Variants in MUC5B observed in about 807,000 individuals in gnomAD.
MUC5B encodes mucin 5B, oligomeric mucus/gel-forming.
MUC5B carries 116 observed loss-of-function variants against 376.9 expected under a neutral mutation model. That is an observed-to-expected ratio of 0.31 (90% CI 0.26 to 0.36). The LOEUF is 0.36. Among genes scored for constraint, MUC5B ranks in the 10% least tolerant of loss-of-function variants. The pLI, the probability that MUC5B is intolerant of heterozygous loss-of-function variation, is 1.00. For synonymous variants in MUC5B, 3,517 were observed against 3,390.9 expected, an observed-to-expected ratio of 1.04 and a Z score of -1.29; for missense variants, 7,165 against 7,769.9, an observed-to-expected ratio of 0.92 and a Z score of 2.93.
rs201521453 is a variant in MUC5B, at chr11:1,250,808, C to G, written c.13928C>G (p.Pro4643Arg). Residue 4643 changes from proline (P) to arginine (R), a missense_variant, in exon 31 of 49, where the codon CCG becomes CGG. Pro to Arg is a moderately radical substitution (Grantham distance 103). This residue lies in a region of MUC5B where 730 missense variants were observed against 592.7 expected (regional missense o/e 1.23). Transcript: ENST00000529681. ...TCCACGGTGACCCCCTCCTCCATCCCGGGGACCACCCACACCGCCAGAGTG... is the reference window on the plus strand; with the variant it reads ...TCCACGGTGACCCCCTCCTCCATCCGGGGGACCACCCACACCGCCAGAGTG... ...SGSTVTPSSI[P>R]GTTHTARVLT... 2 of 1,613,322 alleles carry G rather than the reference C, an allele frequency of 1.2e-6. No homozygotes were observed. The highest frequency in any genetic ancestry group is 2.2e-5 in the East Asian group (1 of 44,896).
At position 1,227,572 on chromosome 11, in the gene MUC5B, G is replaced by C. The variant is rs1024730528; in HGVS notation, c.668-103G>C. Reference sequence around the variant, plus strand: ...TGCCCCTCGGGGGTGTTGGGCCCTAGGCAGGAGTGGGAGTCCTCTGGCCTG... The same window carrying C: ...TGCCCCTCGGGGGTGTTGGGCCCTACGCAGGAGTGGGAGTCCTCTGGCCTG... On this transcript the variant is annotated intron_variant, in intron 6 of 48. Coordinates refer to ENST00000529681, the MANE Select transcript of MUC5B (RefSeq NM_002458.3). The C allele has an allele frequency of 8.9e-6, 6 of 675,566 alleles. No individual in the cohort carries two copies. The African/African-American group carries it at 1.1e-4, about 12-fold the overall frequency. 41.8% of individuals were successfully genotyped at this position (675,566 alleles called of 1,614,324 possible). A position where few individuals can be genotyped will look rare whatever the true frequency, so the allele number is the denominator to read the frequency against.
chr11:1,225,118 C>G (rs1184620707), intron 1 of MUC5B, among the ~76,000 whole-genome samples: 4 of 152,232 alleles, frequency 2.6e-5, no homozygotes, highest in African/African-American at 7.2e-5. Flanking sequence ...TTGCGCGGCC[C>G]AGAGTCCTGC....
rs1862233288 is a variant in MUC5B, at chr11:1,239,629, G to A, written c.3583+63G>A. 5 of 1,518,754 alleles carry A rather than the reference G, an allele frequency of 3.3e-6. No homozygotes were observed. In the South Asian group the frequency reaches 5.1e-5, roughly 16 times the overall value. The allele number at this position is 1,518,754 out of a possible 1,614,324, so 94.1% of individuals were successfully genotyped here. ...TTGGGTTCCCGAGTGTACGTGGGGG[G>A]GCGGGGATCCCCAGGGACGCGGTGT... is the stretch of plus-strand genomic sequence containing the variant. On this transcript the variant is annotated intron_variant, in intron 27 of 48. Coordinates refer to ENST00000529681, the MANE Select transcript of MUC5B (RefSeq NM_002458.3).
Position 1,260,330 on chromosome 11 carries a change from CCT to C in MUC5B, c.16924-20_16924-19del. 1.9e-6 allele frequency: 3 copies of C among 1,612,006 alleles called. No individual in the cohort carries two copies. The highest frequency in any genetic ancestry group is 2.5e-6 in the Non-Finnish European group (3 of 1,179,416). On this transcript the variant is annotated intron_variant, in intron 46 of 48. Transcript: ENST00000529681. ...GGAGGCCCCGCCCACAGCCCTGCCC[CCT>C]GTCTTTGGCCCCCACCAGGGGAGCC... is the stretch of plus-strand genomic sequence containing the variant.
chr11:1,244,992 C>T lies in MUC5B; in HGVS notation c.8112C>T (p.Thr2704=), dbSNP rs989001336. 2.6e-6 allele frequency: 4 copies of T among 1,553,906 alleles called. No individual in the cohort carries two copies. The highest frequency in any genetic ancestry group is 3.5e-6 in the Non-Finnish European group (4 of 1,148,466). The change falls in exon 31 of 49, where the codon ACC becomes ACT. Residue 2704 remains threonine, a synonymous_variant. Coordinates refer to ENST00000529681, the MANE Select transcript of MUC5B (RefSeq NM_002458.3). ...ATTITATGST[T]NPSSTPGTTP... ...CGATCACGGCCACCGGCTCCACCAC[C>T]AACCCCTCCTCAACTCCAGGGACAA...
chr11:1,236,347 C>A, intron 23 of MUC5B, 39 bp from the exon 24 acceptor site: 3 of 1,576,134 alleles, frequency 1.9e-6, no homozygotes, highest in Non-Finnish European at 1.7e-6. Flanking sequence ...CCCTGGGGGC[C>A]ACAGGGTCGG....
chr11:1,242,847 C>T lies in MUC5B; in HGVS notation c.5967C>T (p.Gly1989=), dbSNP rs1862327327. The T allele has an allele frequency of 6.2e-7, 1 of 1,613,226 alleles. No individual in the cohort carries two copies. The highest frequency in any genetic ancestry group is 8.5e-7 in the Non-Finnish European group (1 of 1,179,624). Residue 1989 remains glycine, a synonymous_variant, in exon 31 of 49, where the codon GGC becomes GGT. Transcript: ENST00000529681. ...CACCCATCCCCTCTTCCTCCCTGGGCACCACCTGGACCCGCCTATCACAGA... is the reference window on the plus strand; with the variant it reads ...CACCCATCCCCTCTTCCTCCCTGGGTACCACCTGGACCCGCCTATCACAGA... ...SVTPIPSSSL[G]TTWTRLSQTT...
At position 1,243,735 on chromosome 11, in the gene MUC5B, G is replaced by A. The variant is rs4963051; in HGVS notation, c.6855G>A (p.Thr2285=). 0.17 allele frequency: 270,727 copies of A among 1,602,934 alleles called. 24,991 individuals are homozygous for A. Among genetic ancestry groups the A allele is most frequent in the Non-Finnish European group, 0.18 (212,416 of 1,172,006 alleles). The change falls in exon 31 of 49, where the codon ACG becomes ACA. Residue 2285 remains threonine, a synonymous_variant. Transcript: ENST00000529681. The part of the protein sequence containing the change: ...HTTATSRTTA[T]ATPSKTRTST... ...CGGCCACCTCCAGGACCACAGCCACGGCCACACCCAGCAAGACCCGCACCT... is the reference window on the plus strand; with the variant it reads ...CGGCCACCTCCAGGACCACAGCCACAGCCACACCCAGCAAGACCCGCACCT...
rs1861913113 is a variant in MUC5B, at chr11:1,227,397, C to G, written c.666C>G (p.His222Gln). The G allele has an allele frequency of 1.2e-6, 2 of 1,606,052 alleles. No individual in the cohort carries two copies. The highest frequency in any genetic ancestry group is 1.1e-5 in the South Asian group (1 of 90,600). ...GLPAFNEFYA[H>Q]NARLTPLQFG... ...CGGCCTTCAACGAGTTCTATGCCCA[C>G]AGTGAGTGCCACCTGGGTGAGGGGG... Residue 222 changes from histidine to glutamine, a missense_variant and splice_region_variant, in exon 6 of 49, where the codon CAC (histidine) becomes CAG (glutamine). By Grantham distance (24) the His-to-Gln change is conservative. Coordinates refer to ENST00000529681, the MANE Select transcript of MUC5B (RefSeq NM_002458.3).
At chr11:1,226,901 G>A in intron 4 of MUC5B, 25 bp downstream of exon 4, 3 of 1,600,506 alleles carry the variant, frequency 1.9e-6, no homozygotes, top group Non-Finnish European at 2.5e-6. Flanking sequence ...CTGGGGAGGG[G>A]CGAGGGCCGG....
At position 1,249,621 on chromosome 11, in the gene MUC5B, C is replaced by G. The variant is rs753312324; in HGVS notation, c.12741C>G (p.Thr4247=). The G allele has an allele frequency of 3.1e-6, 5 of 1,611,792 alleles. No individual in the cohort carries two copies. Among genetic ancestry groups the G allele is most frequent in the South Asian group, 2.2e-5 (2 of 91,068 alleles). The change falls in exon 31 of 49, where the codon ACC becomes ACG. Residue 4247 remains threonine, a synonymous_variant. Transcript: ENST00000529681. The part of the protein sequence containing the change: ...TAMPSSTPGT[T]WILTELTTTA... ...TGCCCTCCTCCACTCCGGGGACGAC[C>G]TGGATCCTCACAGAGCTGACCACAA...
rs1325068857 is a variant in MUC5B at position 1,251,541 on chromosome 11, C to A, written c.14661C>A (p.Pro4887=). Residue 4887 remains proline (P), a synonymous_variant, in exon 31 of 49, where the codon CCC becomes CCA. Transcript: ENST00000529681. ...PKVVTTMATM[P]TATASTVPSS... ...TGGTGACCACCATGGCCACTATGCC[C>A]ACAGCCACTGCCTCCACGGTTCCCA... 1 of 1,600,344 alleles carries A rather than the reference C, an allele frequency of 6.2e-7. No homozygotes were observed. Among genetic ancestry groups the A allele is most frequent in the African/African-American group, 1.3e-5 (1 of 74,668 alleles).
chr11:1,231,418 G>A lies in MUC5B; in HGVS notation c.1541-5G>A, dbSNP rs138440673. The A allele has an allele frequency of 0.02, 31,436 of 1,604,670 alleles. 431 individuals carry two copies. The highest frequency in any genetic ancestry group is 0.022 in the Non-Finnish European group (25,448 of 1,175,032). ...TGACCGGCCTCTCCCCCACACTCCC[G>A]GCAGCCAACATCACCCTGTTCACAC... On this transcript the variant is annotated splice_polypyrimidine_tract_variant and splice_region_variant and intron_variant, in intron 13 of 48. Transcript: ENST00000529681.
Position 1,242,133 on chromosome 11 carries a change from C to T in MUC5B, c.5253C>T (p.Ser1751=), listed in dbSNP as rs780889815. The change falls in exon 31 of 49, where the codon AGC becomes AGT. Residue 1751 remains serine (S), a synonymous_variant. Transcript: ENST00000529681. ...CGAGCCTGGCGCCAACACTCACGAG[C>T]GAGCTGTCCACCTCTCAGGCCGAGA... ...LTTSLAPTLT[S]ELSTSQAETS... is the part of the protein sequence containing the mutation. The T allele has an allele frequency of 2.8e-5, 45 of 1,613,288 alleles. No individual in the cohort carries two copies. The highest frequency in any genetic ancestry group is 1.6e-4 in the Middle Eastern group (1 of 6,084).
rs1426152793 is a variant in MUC5B at position 1,231,512 on chromosome 11, A to T, written c.1630A>T (p.Met544Leu). 2.5e-6 allele frequency: 4 copies of T among 1,604,196 alleles called. No individual in the cohort carries two copies. In the Admixed American group the frequency reaches 6.8e-5, roughly 27 times the overall value. The part of the protein sequence containing the change: ...LQLLVQLVPL[M>L]QVFVRLDPAH... ...GCTGCTGGTGCAGCTGGTGCCACTC[A>T]TGCAGGTGTTTGTCAGGCTGGACCC... The change falls in exon 14 of 49, where the codon ATG (methionine) becomes TTG (leucine). Residue 544 changes from methionine (M) to leucine (L), a missense_variant. Physicochemically the swap from Met to Leu is conservative, Grantham distance 15. Around this residue, in one of 31 missense-constraint regions of MUC5B, gnomAD observed 640 missense variants for 733.0 expected, o/e 0.87. Coordinates refer to ENST00000529681, the MANE Select transcript of MUC5B (RefSeq NM_002458.3).
At position 1,257,617 on chromosome 11, in the gene MUC5B, G is replaced by A. The variant is rs774536944; in HGVS notation, c.16357G>A (p.Ala5453Thr). 17 of 1,603,220 alleles carry A rather than the reference G, an allele frequency of 1.1e-5. No homozygotes were observed. The South Asian group carries it at 1.1e-4, about 10-fold the overall frequency. ...SVQCKPLPCD[A>T]QGQPPPCNRP... ...GCAGTGCAAGCCCCTGCCCTGTGACGCCCAGGGTCAGCCCCCGCCGTGCAA... is the reference window on the plus strand; with the variant it reads ...GCAGTGCAAGCCCCTGCCCTGTGACACCCAGGGTCAGCCCCCGCCGTGCAA... Residue 5453 changes from alanine (A) to threonine (T), a missense_variant, in exon 41 of 49, where the codon GCC becomes ACC. By Grantham distance (58) the Ala-to-Thr change is moderately conservative. Coordinates refer to ENST00000529681, the MANE Select transcript of MUC5B (RefSeq NM_002458.3). The surrounding 1 kb of genome is among the most constrained non-coding windows in gnomAD (Gnocchi z 8.9).
At position 1,257,371 on chromosome 11, in the gene MUC5B, C is replaced by A. The variant is rs1472043341; in HGVS notation, c.16269+100C>A. Reference sequence around the variant, plus strand: ...TCCCACAGGGCAGCTGTGGGGCGCCCGAGTGTGACGTGGACGTGCCAGTGG... The same window carrying A: ...TCCCACAGGGCAGCTGTGGGGCGCCAGAGTGTGACGTGGACGTGCCAGTGG... On this transcript the variant is annotated intron_variant, in intron 40 of 48. Transcript: ENST00000529681. The surrounding 1 kb of genome is among the most constrained non-coding windows in gnomAD (Gnocchi z 8.9). The A allele has an allele frequency of 1.1e-6, 1 of 913,012 alleles. No individual in the cohort carries two copies. Among genetic ancestry groups the A allele is most frequent in the African/African-American group, 1.6e-5 (1 of 61,446 alleles). 56.6% of individuals were successfully genotyped at this position (913,012 alleles called of 1,614,324 possible).
At chr11:1,254,596 G>A (rs2133849065) in intron 34 of MUC5B, 98 bp from the exon 35 acceptor site, 1 of 1,319,974 alleles carries the variant, frequency 7.6e-7, no homozygotes, top group Non-Finnish European at 1.0e-6. Context: ...TACACAGGGG[G>A]GTCTCTGCAC....
rs909917350 is a variant in MUC5B at position 1,257,153 on chromosome 11, C to T, written c.16238-87C>T. On this transcript the variant is annotated intron_variant, in intron 39 of 48. Coordinates refer to ENST00000529681, the MANE Select transcript of MUC5B (RefSeq NM_002458.3). This position sits in a 1 kb window ranked among gnomAD's most constrained non-coding sequence, Gnocchi z 8.9. Reference sequence around the variant, plus strand: ...CTTCCATCCCGGGGGGAAGCAGGCTCCAGGCCTGAGAGCACCTCCCATGGC... The same window carrying T: ...CTTCCATCCCGGGGGGAAGCAGGCTTCAGGCCTGAGAGCACCTCCCATGGC... The T allele has an allele frequency of 3.9e-6, 3 of 773,298 alleles. No individual in the cohort carries two copies. Among genetic ancestry groups the T allele is most frequent in the African/African-American group, 3.4e-5 (2 of 59,026 alleles). The allele number at this position is 773,298 out of a possible 1,614,324, so 47.9% of individuals were successfully genotyped here. A position where few individuals can be genotyped will look rare whatever the true frequency, so the allele number is the denominator to read the frequency against.
Sources: allele counts gnomAD v4.1 joint callset (sites outside exome capture counted in the v4.1 genomes callset), GRCh38; gene constraint gnomAD v4.1.1; regional missense constraint gnomAD v4.1.1; non-coding constraint Gnocchi (gnomAD v3.1); transcripts MANE v1.5; gene names NCBI Gene and HGNC (gene_info 2026-07-23, HGNC 2026-07-21).